The following PCGF3 variants were observed in gnomAD, a reference collection of about 807,000 sequenced individuals.
The protein encoded by PCGF3 is polycomb group RING finger protein 3.
In PCGF3, 7 loss-of-function variants were observed where a neutral mutation model predicts 33.1. That is an observed-to-expected ratio of 0.21 (90% CI 0.12 to 0.40). The LOEUF is 0.40. Among genes scored for constraint, PCGF3 ranks in the 10% least tolerant of loss-of-function variants. The probability of loss-of-function intolerance (pLI) is 1.00; values close to 1 mark genes in which losing one functional copy is unlikely to be tolerated. For synonymous variants in PCGF3, 153 were observed against 121.3 expected, an observed-to-expected ratio of 1.26 and a Z score of -1.72; for missense variants, 211 against 313.3, an observed-to-expected ratio of 0.67 and a Z score of 2.46.
intron 6 of PCGF3, among the ~76,000 whole-genome samples, chr4:741,129 C>T (rs1744073060): frequency 6.6e-6 from 1 of 152,220 alleles, no homozygotes; most frequent in Non-Finnish European, 1.5e-5. Flanking sequence ...TGACTCAACA[C>T]CAGCAATATC....
chr4:766,131 C>A, exon 11 of PCGF3: 1 of 1,481,546 alleles, frequency 6.7e-7, no homozygotes, highest in Non-Finnish European at 9.4e-7. Flanking sequence ...TGGGTGCTCC[C>A]GGCCGCCGCG....
intron 2 of PCGF3, 52 bp downstream of exon 2, chr4:730,720 G>A: frequency 3.4e-6 from 1 of 290,394 alleles, no homozygotes; most frequent in Admixed American, 5.3e-5. Context: ...GTGAACTGCC[G>A]GACTCCGCCG....
intron 2 of PCGF3, 68 bp downstream of exon 2, chr4:730,736 A>C (rs1471234682): frequency 3.1e-6 from 1 of 325,158 alleles, no homozygotes; most frequent in Non-Finnish European, 5.6e-6. Flanking sequence ...CGCCGGGACC[A>C]CGCTTTGTGC....
chr4:764,579 G>C (rs775917668), intron 9 of PCGF3: 4 of 168,374 alleles, frequency 2.4e-5, no homozygotes, highest in Non-Finnish European at 1.3e-5. Context: ...TGCTCAGTAC[G>C]GCAGGTGTGG....
intron 8 of PCGF3, among the ~76,000 whole-genome samples, chr4:747,880 TC>T (rs200571783): frequency 1.2e-5 from 1 of 82,310 alleles, no homozygotes; most frequent in Non-Finnish European, 2.9e-5. Flanking sequence ...TCTTCCTTTT[TC>T]TTTTTTTTTT....
At chr4:712,735 C>T (rs1400240106) in intron 1 of PCGF3, among the ~76,000 whole-genome samples, 29 of 152,348 alleles carry the variant, frequency 1.9e-4, no homozygotes, top group South Asian at 4.1e-4. Context: ...CGTGAGCCAC[C>T]GCGCCCGGCC....
At chr4:767,129 G>C (rs1745416964) in exon 11 of PCGF3, 1 of 152,240 alleles carries the variant, frequency 6.6e-6, no homozygotes, top group African/African-American at 2.4e-5. Context: ...TACTGGAAGG[G>C]CGTTTTTCAG....
intron 6 of PCGF3, among the ~76,000 whole-genome samples, chr4:742,562 ACT>A (rs895864876): frequency 2.0e-5 from 3 of 152,168 alleles, no homozygotes; most frequent in Non-Finnish European, 1.5e-5. Context: ...CACGTCGTCC[ACT>A]GTGTCCCCTG....
intron 6 of PCGF3, among the ~76,000 whole-genome samples, chr4:741,017 A>G (rs1744067079): frequency 6.6e-6 from 1 of 152,218 alleles, no homozygotes; most frequent in African/African-American, 2.4e-5. Context: ...TGAACTCTGG[A>G]TTATTTTGTT....
At chr4:750,158 C>T (rs1183438601) in intron 8 of PCGF3, among the ~76,000 whole-genome samples, 2 of 152,232 alleles carry the variant, frequency 1.3e-5, no homozygotes, top group Non-Finnish European at 2.9e-5. Context: ...TGGCTGCTCC[C>T]TGCGGACTTT....
Position 756,074 on chromosome 4 carries a change from C to G in PCGF3, c.463-5205C>G, listed in dbSNP as rs568345478. Reference sequence around the variant, plus strand: ...GATTATAGGCACATGCCACCATACCCAGCTAATTTTTTGTATTTTTAGTAG... The same window carrying G: ...GATTATAGGCACATGCCACCATACCGAGCTAATTTTTTGTATTTTTAGTAG... On this transcript the variant is annotated intron_variant, in intron 8 of 10. Coordinates refer to ENST00000362003, the Ensembl canonical transcript of PCGF3. Among the ~76,000 whole-genome samples, 18 of 151,798 alleles carry G rather than the reference C, an allele frequency of 1.2e-4. No individual in the cohort carries two copies. In the South Asian group the frequency reaches 2.5e-3, roughly 21 times the overall value.
At chr4:708,144 G>A (rs1742415702) in intron 1 of PCGF3, among the ~76,000 whole-genome samples, 1 of 152,142 alleles carries the variant, frequency 6.6e-6, no homozygotes, top group Non-Finnish European at 1.5e-5. Flanking sequence ...GGCACCCTGA[G>A]ACTGGACAGT....
chr4:754,205 G>A (rs1744664163), intron 8 of PCGF3, among the ~76,000 whole-genome samples: 1 of 152,230 alleles, frequency 6.6e-6, no homozygotes, highest in Admixed American at 6.5e-5. Flanking sequence ...GGGGGTTCTG[G>A]TGTGGGGTCC....
rs138742112 is a variant in PCGF3 at position 710,119 on chromosome 4, C to T, written c.-190+4149C>T. Among the ~76,000 whole-genome samples, 8 of 152,236 alleles carry T rather than the reference C, an allele frequency of 5.3e-5. No homozygotes were observed. In the East Asian group the frequency reaches 1.3e-3, roughly 26 times the overall value. ...GCTGTGTGGCAGATTACCCCAGAAC[C>T]CCTGCCTTAAACCAACAGTCCGATG... On this transcript the variant is annotated intron_variant, in intron 1 of 10. Transcript: ENST00000362003.
chr4:714,391 C>G (rs1307426052), intron 1 of PCGF3, among the ~76,000 whole-genome samples: 2 of 152,216 alleles, frequency 1.3e-5, no homozygotes, highest in Non-Finnish European at 2.9e-5. Context: ...CGGCTCCGGA[C>G]AGGAGCCTTG....
rs540610107 is a variant in PCGF3, at chr4:736,295, G to A, written c.207-1171G>A. ...ACTCCTGATCTCAGGTCATCTGCCCGCCTCAGTCTCCCCAAATGCTAGGAT... is the reference window on the plus strand; with the variant it reads ...ACTCCTGATCTCAGGTCATCTGCCCACCTCAGTCTCCCCAAATGCTAGGAT... On this transcript the variant is annotated intron_variant, in intron 5 of 10. Coordinates refer to ENST00000362003, the Ensembl canonical transcript of PCGF3. Among the ~76,000 whole-genome samples, 6 of 152,246 alleles carry A rather than the reference G, an allele frequency of 3.9e-5. No homozygotes were observed. In the South Asian group the frequency reaches 6.2e-4, roughly 16 times the overall value.
At chr4:735,482 G>A (rs1287574794) in intron 5 of PCGF3, among the ~76,000 whole-genome samples, 4 of 152,210 alleles carry the variant, frequency 2.6e-5, no homozygotes, top group African/African-American at 4.8e-5. Flanking sequence ...GGAGGCCGAG[G>A]TTGCAGTAAG....
chr4:725,604 G>C (rs10471241), intron 1 of PCGF3, among the ~76,000 whole-genome samples: 1,066 of 64,490 alleles, frequency 0.017, 1 homozygote, highest in African/African-American at 0.053. Context: ...CGCTGTGGCT[G>C]TGTGGGCTGC....
intron 9 of PCGF3, 77 bp downstream of exon 9, chr4:761,493 A>AGTTTT (rs577921916): frequency 2.1e-6 from 3 of 1,459,114 alleles, no homozygotes; most frequent in Non-Finnish European, 2.8e-6. Flanking sequence ...TTCTTTGCTT[A>AGTTTT]GTTTTGTTTT....
Sources: allele counts gnomAD v4.1 joint callset (sites outside exome capture counted in the v4.1 genomes callset), GRCh38; gene constraint gnomAD v4.1.1; transcripts MANE v1.5; gene names NCBI Gene and HGNC (gene_info 2026-07-23, HGNC 2026-07-21).